Variants in OXR1 observed in about 807,000 individuals in gnomAD.
OXR1 encodes oxidation resistance protein 1.
A neutral mutation model predicts 104.6 loss-of-function variants in OXR1; 41 were observed. The observed-to-expected ratio is 0.39, with a 90% confidence interval of 0.31 to 0.51. The LOEUF is 0.51. Among genes scored for constraint, OXR1 ranks in the 20% least tolerant of loss-of-function variants. The pLI, the probability that OXR1 is intolerant of heterozygous loss-of-function variation, is 0.77. For missense variants in OXR1, 955 were observed against 1,031.9 expected (o/e 0.93, Z 1.02); for synonymous variants, 348 against 348.4 (o/e 1.00, Z 0.01).
intron 3 of OXR1, among the ~76,000 whole-genome samples, chr8:106,655,534 C>T (rs1325237473): frequency 1.3e-5 from 2 of 152,004 alleles, no homozygotes; most frequent in Admixed American, 6.5e-5. Flanking sequence ...GAATAAAGAC[C>T]TCCTTCTAAA....
chr8:106,277,557 C>A (rs1286688661), intron 1 of OXR1, among the ~76,000 whole-genome samples: 1 of 152,204 alleles, frequency 6.6e-6, no homozygotes, highest in Non-Finnish European at 1.5e-5. Flanking sequence ...AAAAGAGAGA[C>A]ATGATTCATG....
chr8:106,322,703 C>T (rs917548348), intron 1 of OXR1, among the ~76,000 whole-genome samples: 5 of 152,134 alleles, frequency 3.3e-5, no homozygotes, highest in African/African-American at 1.2e-4. Context: ...AGTACAAAAT[C>T]AATGTAAAAA....
chr8:106,719,837 C>T (rs1051896800), intron 11 of OXR1, among the ~76,000 whole-genome samples: 1 of 151,722 alleles, frequency 6.6e-6, no homozygotes, highest in Non-Finnish European at 1.5e-5. Flanking sequence ...ATGGAGTCTC[C>T]GTCTGTCGCT....
intron 2 of OXR1, among the ~76,000 whole-genome samples, chr8:106,423,288 C>A (rs142838238): frequency 1.2e-4 from 18 of 152,150 alleles, no homozygotes; most frequent in African/African-American, 3.6e-4. Context: ...AAAGTGCACA[C>A]GATGGATACC....
chr8:106,327,998 G>A (rs1353530217), intron 1 of OXR1, among the ~76,000 whole-genome samples: 1 of 152,122 alleles, frequency 6.6e-6, no homozygotes, highest in Non-Finnish European at 1.5e-5. Context: ...TAAAGGATGT[G>A]GGTTTGATTC....
At chr8:106,367,416 A>T (rs1816520296) in intron 2 of OXR1, among the ~76,000 whole-genome samples, 1 of 152,090 alleles carries the variant, frequency 6.6e-6, no homozygotes, top group Admixed American at 6.6e-5. Context: ...GAATAATTTA[A>T]AGTTAGTTTA....
At chr8:106,491,683 G>A (rs1563558164) in intron 2 of OXR1, among the ~76,000 whole-genome samples, 3 of 152,156 alleles carry the variant, frequency 2.0e-5, no homozygotes, top group African/African-American at 7.2e-5. Context: ...CAGCAATATG[G>A]TGGTTAGAAG....
chr8:106,392,500 G>A (rs1817623303), intron 2 of OXR1, among the ~76,000 whole-genome samples: 1 of 152,148 alleles, frequency 6.6e-6, no homozygotes, highest in African/African-American at 2.4e-5. Flanking sequence ...GTAGAGACAT[G>A]AGGGAATATT....
chr8:106,379,950 T>A (rs1817072846), intron 2 of OXR1, among the ~76,000 whole-genome samples: 1 of 152,144 alleles, frequency 6.6e-6, no homozygotes, highest in African/African-American at 2.4e-5. Context: ...GAGATAGAAT[T>A]TACACATCAT....
At chr8:106,523,004 G>A (rs937050431) in intron 3 of OXR1, among the ~76,000 whole-genome samples, 5 of 152,102 alleles carry the variant, frequency 3.3e-5, no homozygotes, top group African/African-American at 1.2e-4. Flanking sequence ...TCAACCAGGG[G>A]AAAAATTGCT....
intron 1 of OXR1, among the ~76,000 whole-genome samples, chr8:106,292,580 G>A (rs554355577): frequency 6.6e-6 from 1 of 152,144 alleles, no homozygotes; most frequent in Non-Finnish European, 1.5e-5. Context: ...GTGGGTCTTG[G>A]AATGTATTCC....
chr8:106,668,571 T>G (rs534523680), intron 3 of OXR1, among the ~76,000 whole-genome samples: 1 of 152,302 alleles, frequency 6.6e-6, no homozygotes, highest in Admixed American at 6.5e-5. Flanking sequence ...AGTACAATTT[T>G]GGCTCCAAAC....
intron 3 of OXR1, among the ~76,000 whole-genome samples, chr8:106,576,661 T>C (rs1292928989): frequency 6.6e-6 from 1 of 152,018 alleles, no homozygotes; most frequent in African/African-American, 2.4e-5. Flanking sequence ...TATTTAGGCA[T>C]TGGTCTTTTG....
At chr8:106,689,503 A>G (rs893855373) in intron 6 of OXR1, among the ~76,000 whole-genome samples, 6 of 152,054 alleles carry the variant, frequency 3.9e-5, no homozygotes, top group Admixed American at 1.3e-4. Flanking sequence ...CAGTCAAACC[A>G]TAACATTGCC....
At chr8:106,390,601 G>A (rs1817554612) in intron 2 of OXR1, among the ~76,000 whole-genome samples, 1 of 152,122 alleles carries the variant, frequency 6.6e-6, no homozygotes, top group South Asian at 2.1e-4. Context: ...TTTAGTTGCA[G>A]GTGTTCATAA....
In OXR1 at chr8:106,281,651, T is replaced by C. The variant is rs183037026; in HGVS notation, c.-139+11284T>C. ...CCCGTGTTTACTAAAAATATAAAAA[T>C]TAGCCGGGTGCACTGGCGCACGCCT... On this transcript the variant is annotated intron_variant, in intron 1 of 16. Coordinates refer to ENST00000517566, the MANE Select transcript of OXR1 (RefSeq NM_001198533.2). Among the ~76,000 whole-genome samples the C allele has an allele frequency of 3.8e-3, 573 of 152,004 alleles. 3 individuals carry two copies. Among genetic ancestry groups the C allele is most frequent in the Admixed American group, 8.4e-3 (129 of 15,278 alleles).
At chr8:106,301,663 C>T (rs1291142620) in intron 1 of OXR1, among the ~76,000 whole-genome samples, 1 of 152,140 alleles carries the variant, frequency 6.6e-6, no homozygotes, top group Non-Finnish European at 1.5e-5. Flanking sequence ...TATATAGTAC[C>T]TGTCTGATTT....
intron 2 of OXR1, among the ~76,000 whole-genome samples, chr8:106,361,374 C>T (rs1038862042): frequency 6.6e-6 from 1 of 152,136 alleles, no homozygotes; most frequent in Non-Finnish European, 1.5e-5. Context: ...GCACTATCCT[C>T]GATTCTAGCT....
chr8:106,396,855 T>C (rs1817802464), intron 2 of OXR1, among the ~76,000 whole-genome samples: 1 of 152,142 alleles, frequency 6.6e-6, no homozygotes, highest in Non-Finnish European at 1.5e-5. Context: ...ACAGAAACTC[T>C]CTATACTGTA....
Sources: allele counts gnomAD v4.1 joint callset (sites outside exome capture counted in the v4.1 genomes callset), GRCh38; gene constraint gnomAD v4.1.1; transcripts MANE v1.5; gene names NCBI Gene and HGNC (gene_info 2026-07-23, HGNC 2026-07-21).